ZNF333: variants seen among roughly 807,000 people sequenced by gnomAD.
The protein encoded by ZNF333 is zinc finger protein 333.
Under a neutral mutation model 76.1 loss-of-function variants are expected in ZNF333, and 61 were observed. That is an observed-to-expected ratio of 0.80 (90% CI 0.65 to 0.99). ZNF333 has a LOEUF of 0.99. ZNF333 is among the 50% of genes least tolerant of loss of function. The pLI, the probability that ZNF333 is intolerant of heterozygous loss-of-function variation, is 0.00. For missense variants in ZNF333, 717 were observed against 822.4 expected, an observed-to-expected ratio of 0.87 and a Z score of 1.57; for synonymous variants, 284 against 305.0, an observed-to-expected ratio of 0.93 and a Z score of 0.72.
chr19:14,693,624 ATC>A, intron 2 of ZNF333, 130 bp downstream of exon 2: 8 of 1,137,748 alleles, frequency 7.0e-6, no homozygotes, highest in Non-Finnish European at 9.8e-6. Flanking sequence ...AGTGAGGAGC[ATC>A]CTCATCCCTG....
At chr19:14,731,149 C>T (rs1263904953) in intron 11 of ZNF333, 60 of 1,531,032 alleles carry the variant, frequency 3.9e-5, no homozygotes, top group Admixed American at 9.8e-5. Flanking sequence ...TTCCCTCATT[C>T]TTCCTCCTTA....
At position 14,717,073 on chromosome 19, in the gene ZNF333, C is replaced by G. The variant is rs558315740; in HGVS notation, c.807C>G (p.Leu269=). 6.0e-5 allele frequency: 97 copies of G among 1,607,366 alleles called. No individual in the cohort carries two copies. In the East Asian group the frequency reaches 2.0e-3, roughly 34 times the overall value. ...GEQWTTDRGV[L]SDTCAEPQCQ... ...AGTGGACCACTGACAGGGGCGTCCT[C>G]TCAGACACCTGTGCAGGTGAGCCCA... Residue 269 remains leucine, a synonymous_variant, in exon 10 of 12, where the codon CTC becomes CTG. Coordinates refer to ENST00000292530, the MANE Select transcript of ZNF333 (RefSeq NM_032433.4).
At position 14,691,277 on chromosome 19, in the gene ZNF333, T is replaced by C. The variant is rs192142336; in HGVS notation, c.-42+1127T>C. Among the ~76,000 whole-genome samples, 8 of 152,320 alleles carry C rather than the reference T, an allele frequency of 5.3e-5. No homozygotes were observed. The East Asian group carries it at 1.5e-3, about 29-fold the overall frequency. The stretch of plus-strand genomic sequence containing the variant: ...TTATCAAGAAAACCTAAGACTGTTA[T>C]TCAGATCTTTTCAAGTTGGCTCCAG... On this transcript the variant is annotated intron_variant, in intron 1 of 11. Transcript: ENST00000292530.
chr19:14,695,719 G>C (rs1176833387), intron 4 of ZNF333, 58 bp downstream of exon 4: 1 of 1,513,560 alleles, frequency 6.6e-7, no homozygotes, highest in East Asian at 2.3e-5. Flanking sequence ...GTGTGCCTTG[G>C]GAAGTGTCAA....
chr19:14,702,251 C>T (rs1232278730), intron 5 of ZNF333, among the ~76,000 whole-genome samples: 2 of 152,178 alleles, frequency 1.3e-5, no homozygotes, highest in Non-Finnish European at 2.9e-5. Context: ...CACAGGGCCT[C>T]ACCCCAGAAT....
rs1037812726 is a variant in ZNF333 at position 14,720,447 on chromosome 19, C to T, written c.*1122C>T. On this transcript the variant is annotated 3_prime_UTR_variant, in exon 12 of 12. Transcript: ENST00000292530. ...AGCCGCAAGCTAAGAAGAGGGTGGC[C>T]GGAAGTCATAACCATCTTGCTTCTG... 62 of 985,164 alleles carry T rather than the reference C, an allele frequency of 6.3e-5. No homozygotes were observed. Among genetic ancestry groups the T allele is most frequent in the African/African-American group, 1.0e-4 (6 of 57,196 alleles). The allele number at this position is 985,164 out of a possible 1,614,324, so 61.0% of individuals were successfully genotyped here.
rs1053088064 is a variant in ZNF333 at position 14,701,471 on chromosome 19, C to G, written c.306+2190C>G. On this transcript the variant is annotated intron_variant, in intron 5 of 11. Coordinates refer to ENST00000292530, the MANE Select transcript of ZNF333 (RefSeq NM_032433.4). The stretch of plus-strand genomic sequence containing the variant: ...GTGCAGGCTCCCATTGCAGGGCATT[C>G]TGTGTGTCATGTAGCCCCCAGTGCT... 7 of 608,536 alleles carry G rather than the reference C, an allele frequency of 1.2e-5. No homozygotes were observed. The African/African-American group carries it at 1.4e-4, about 12-fold the overall frequency. 37.7% of individuals were successfully genotyped at this position (608,536 alleles called of 1,614,324 possible).
At chr19:14,695,184 C>T in intron 3 of ZNF333, 51 bp downstream of exon 3, 1 of 1,589,526 alleles carries the variant, frequency 6.3e-7, no homozygotes. Context: ...CTAAATGCTT[C>T]TTAAGCGCCT....
At chr19:14,729,887 A>G (rs1480572676) in intron 11 of ZNF333, among the ~76,000 whole-genome samples, 1 of 152,120 alleles carries the variant, frequency 6.6e-6, no homozygotes, top group African/African-American at 2.4e-5. Context: ...AATACATCCA[A>G]TTTTATCTGT....
At chr19:14,723,667 G>C (rs1413571050), downstream of ZNF333, among the ~76,000 whole-genome samples, 3 of 152,172 alleles carry the variant, frequency 2.0e-5, no homozygotes, top group Non-Finnish European at 2.9e-5. Context: ...TTAGTGCATA[G>C]AAATGCAACT....
intron 5 of ZNF333, among the ~76,000 whole-genome samples, chr19:14,699,646 G>A (rs537506059): frequency 6.6e-6 from 1 of 152,074 alleles, no homozygotes; most frequent in Admixed American, 6.6e-5. Context: ...TTTTTTGGTA[G>A]AGACAGGGTT....
In ZNF333 at chr19:14,719,557, C is replaced by T. The variant is rs1015606603; in HGVS notation, c.*232C>T. The T allele has an allele frequency of 1.4e-5, 15 of 1,098,866 alleles. 1 individual carries two copies. The South Asian group carries it at 2.9e-4, about 21-fold the overall frequency. 68.1% of individuals were successfully genotyped at this position (1,098,866 alleles called of 1,614,324 possible). A position where few individuals can be genotyped will look rare whatever the true frequency, so the allele number is the denominator to read the frequency against. ...AGGTATAATGACTTATAGTGAAATG[C>T]ATACATCTGAAGTGTACAGTTGGAT... On this transcript the variant is annotated 3_prime_UTR_variant, in exon 12 of 12. Coordinates refer to ENST00000292530, the MANE Select transcript of ZNF333 (RefSeq NM_032433.4).
chr19:14,718,119 T>C, intron 11 of ZNF333, 109 bp from the exon 12 acceptor site: 1 of 1,428,852 alleles, frequency 7.0e-7, no homozygotes, highest in Non-Finnish European at 9.3e-7. Flanking sequence ...CCATAAATGG[T>C]AAAAGTATCA....
In ZNF333 at chr19:14,718,961, G is replaced by A. The variant is rs778621696; in HGVS notation, c.1634G>A (p.Arg545His). ...GCGACTTGCGGTCAGGTCTTGAGTC[G>A]TCTTTCAACCCTGAAGAGTCACATG... Reference protein sequence around the residue: ...ECATCGQVLSRLSTLKSHMRT... With the variant: ...ECATCGQVLSHLSTLKSHMRT... The change falls in exon 12 of 12, where the codon CGT becomes CAT. Residue 545 changes from arginine (R) to histidine (H), a missense_variant. Arg to His is a conservative substitution (Grantham distance 29). Transcript: ENST00000292530. The A allele has an allele frequency of 8.1e-6, 13 of 1,612,676 alleles. No homozygotes were observed. The highest frequency in any genetic ancestry group is 5.4e-5 in the African/African-American group (4 of 74,422).
At chr19:14,725,309 T>C (rs1236217662), downstream of ZNF333, among the ~76,000 whole-genome samples, 1 of 152,146 alleles carries the variant, frequency 6.6e-6, no homozygotes, top group Non-Finnish European at 1.5e-5. Context: ...CCATCTCCAA[T>C]ATTGGGGATT....
intron 7 of ZNF333, among the ~76,000 whole-genome samples, chr19:14,710,032 G>A (rs997239780): frequency 6.6e-5 from 10 of 152,208 alleles, no homozygotes; most frequent in Admixed American, 4.6e-4. Flanking sequence ...AATTCCCCAT[G>A]GAGCAGAGAA....
At chr19:14,700,563 TA>T (rs1973601955) in intron 5 of ZNF333, among the ~76,000 whole-genome samples, 1 of 152,132 alleles carries the variant, frequency 6.6e-6, no homozygotes, top group African/African-American at 2.4e-5. Flanking sequence ...AAGCCTTCCA[TA>T]TGAGCTTGTA....
At chr19:14,710,440 C>T (rs2042242692) in intron 7 of ZNF333, among the ~76,000 whole-genome samples, 2 of 152,204 alleles carry the variant, frequency 1.3e-5, no homozygotes, top group Non-Finnish European at 2.9e-5. Flanking sequence ...AGATGTCGTA[C>T]TCGTGGCTGT....
At position 14,715,137 on chromosome 19, in the gene ZNF333, CTG is replaced by C. The variant is rs562257673; in HGVS notation, c.512-241_512-240del. ...ATGAACAGGTGCATGTGGTATGTAA[CTG>C]TGTATATGTGTGCGTGTTTGTGTGT... On this transcript the variant is annotated intron_variant, in intron 7 of 11. Transcript: ENST00000292530. 270 of 445,318 alleles carry C rather than the reference CTG, an allele frequency of 6.1e-4. 2 individuals are homozygous for C. The highest frequency in any genetic ancestry group is 3.5e-3 in the East Asian group (83 of 23,840). 27.6% of individuals were successfully genotyped at this position (445,318 alleles called of 1,614,324 possible).
Sources: gnomAD v4.1 joint callset for allele counts (sites outside exome capture counted in the v4.1 genomes callset) on GRCh38, gnomAD v4.1.1 for gene constraint, MANE v1.5 for transcripts, NCBI Gene and HGNC (gene_info 2026-07-23, HGNC 2026-07-21) for gene names.